The following DDX19A variants were observed in gnomAD, a reference collection of about 807,000 sequenced individuals.
The protein encoded by DDX19A is ATP-dependent RNA helicase DDX19A.
A neutral mutation model predicts 60.6 loss-of-function variants in DDX19A; 12 were observed. The ratio of observed to expected loss-of-function variants is 0.20; its 90% CI spans 0.13 to 0.32. DDX19A has a LOEUF of 0.32. Among genes scored for constraint, DDX19A ranks in the 10% least tolerant of loss-of-function variants. DDX19A has a pLI of 1.00. For synonymous variants in DDX19A, 206 were observed against 218.2 expected (o/e 0.94, Z 0.49); for missense variants, 337 against 600.6 (o/e 0.56, Z 4.59).
At chr16:70,347,176 C>G in intron 1 of DDX19A, 128 bp downstream of exon 1, 1 of 880,236 alleles carries the variant, frequency 1.1e-6, no homozygotes, top group Non-Finnish European at 1.8e-6. Context: ...CTAGGGCAGT[C>G]ACTTGCCCTT....
At chr16:70,361,349 A>T in intron 4 of DDX19A, 69 bp from the exon 5 acceptor site, 1 of 1,143,440 alleles carries the variant, frequency 8.7e-7, no homozygotes, top group Non-Finnish European at 1.3e-6. Flanking sequence ...ATAGAAAAAG[A>T]TAAGATTCTA....
intron 3 of DDX19A, 104 bp downstream of exon 3, chr16:70,355,639 T>A: frequency 1.1e-5 from 10 of 889,610 alleles, no homozygotes; most frequent in Non-Finnish European, 1.7e-5. Flanking sequence ...ATGAGAGGAA[T>A]CAGAGAAGGA....
intron 1 of DDX19A, among the ~76,000 whole-genome samples, chr16:70,349,981 C>G (rs372063857): frequency 2.0e-5 from 3 of 152,168 alleles, no homozygotes; most frequent in African/African-American, 7.2e-5. Context: ...GTTCTGCTCT[C>G]TAGTGTAGAG....
At chr16:70,348,703 A>G (rs934624466) in intron 1 of DDX19A, among the ~76,000 whole-genome samples, 3 of 151,678 alleles carry the variant, frequency 2.0e-5, no homozygotes, top group African/African-American at 7.3e-5. Flanking sequence ...ACTTTGGGAA[A>G]CTGAGACAGG....
intron 2 of DDX19A, among the ~76,000 whole-genome samples, chr16:70,352,669 A>C (rs1597522894): frequency 8.2e-5 from 8 of 97,454 alleles, no homozygotes; most frequent in African/African-American, 2.1e-4. Flanking sequence ...ATGAAGTTTC[A>C]CTCGTTGCCC....
chr16:70,362,417 CA>C (rs954697878), intron 5 of DDX19A, among the ~76,000 whole-genome samples: 10 of 143,538 alleles, frequency 7.0e-5, no homozygotes, highest in Non-Finnish European at 4.6e-5. Context: ...AATTCAAAAA[CA>C]AACAAAATAT....
intron 9 of DDX19A, among the ~76,000 whole-genome samples, chr16:70,367,653 G>A (rs1027167311): frequency 3.3e-5 from 5 of 151,056 alleles, no homozygotes; most frequent in Non-Finnish European, 1.5e-5. Flanking sequence ...CGAGACAGGC[G>A]GATCACCTGA....
At chr16:70,347,635 T>G (rs1384546619) in intron 1 of DDX19A, among the ~76,000 whole-genome samples, 1 of 152,236 alleles carries the variant, frequency 6.6e-6, no homozygotes, top group Non-Finnish European at 1.5e-5. Context: ...TGTTCTTATA[T>G]CTAAGACCTA....
rs1050154586 is a variant in DDX19A, at chr16:70,366,400, C to T, written c.782+138C>T. On this transcript the variant is annotated intron_variant, in intron 8 of 11. Transcript: ENST00000302243. ...GCAGCATTTGTTTGACGGGCCATTT[C>T]CATGTCAGCGCTGATCACAGTCCCT... 4.4e-6 allele frequency: 6 copies of T among 1,367,422 alleles called. No individual in the cohort carries two copies. The African/African-American group carries it at 8.7e-5, about 20-fold the overall frequency. 84.7% of individuals were successfully genotyped at this position (1,367,422 alleles called of 1,614,324 possible).
intron 4 of DDX19A, among the ~76,000 whole-genome samples, chr16:70,358,942 A>G (rs1385904630): frequency 6.6e-6 from 1 of 152,202 alleles, no homozygotes; most frequent in African/African-American, 2.4e-5. Context: ...AAGCTGTATC[A>G]GGACAGCTAG....
chr16:70,368,206 A>G (rs1482879082), intron 9 of DDX19A, among the ~76,000 whole-genome samples: 1 of 152,166 alleles, frequency 6.6e-6, no homozygotes, highest in East Asian at 1.9e-4. Context: ...GCAATGATAC[A>G]GTGATAACAG....
chr16:70,349,458 A>G (rs143497824), intron 1 of DDX19A, among the ~76,000 whole-genome samples: 1 of 152,316 alleles, frequency 6.6e-6, no homozygotes, highest in African/African-American at 2.4e-5. Flanking sequence ...AGTTCTAGGA[A>G]TGATGGGAAC....
chr16:70,356,352 G>T, intron 4 of DDX19A, 105 bp downstream of exon 4: 3 of 1,518,388 alleles, frequency 2.0e-6, no homozygotes, highest in Non-Finnish European at 1.8e-6. Flanking sequence ...AAAATTTAGT[G>T]TATTTTTTCC....
chr16:70,367,254 C>G (rs1324563642), intron 9 of DDX19A, among the ~76,000 whole-genome samples: 1 of 151,694 alleles, frequency 6.6e-6, no homozygotes, highest in African/African-American at 2.4e-5. Context: ...CGGTGAAACC[C>G]CATCTCTACT....
intron 9 of DDX19A, among the ~76,000 whole-genome samples, chr16:70,369,053 G>A (rs1261016917): frequency 6.6e-6 from 1 of 151,690 alleles, no homozygotes; most frequent in Non-Finnish European, 1.5e-5. Context: ...TTTTAGTAGA[G>A]ACAGGGTTTC....
intron 7 of DDX19A, 116 bp from the exon 8 acceptor site, chr16:70,365,969 G>A: frequency 6.7e-7 from 1 of 1,501,340 alleles, no homozygotes; most frequent in Non-Finnish European, 9.1e-7. Context: ...ACTCATGTGT[G>A]TTTTGAAATC....
At position 70,367,518 on chromosome 16, in the gene DDX19A, G is replaced by T. The variant is rs117692413; in HGVS notation, c.1020+657G>T. Among the ~76,000 whole-genome samples, 210 of 151,966 alleles carry T rather than the reference G, an allele frequency of 1.4e-3. 3 individuals carry two copies. The East Asian group carries it at 0.034, about 24-fold the overall frequency. On this transcript the variant is annotated intron_variant, in intron 9 of 11. Coordinates refer to ENST00000302243, the MANE Select transcript of DDX19A (RefSeq NM_018332.5). ...CAAATACTTAGAAAATGGAAGCATA[G>T]ATCTCATTGATAATAGAAAAAATAA... is the stretch of plus-strand genomic sequence containing the variant.
intron 2 of DDX19A, among the ~76,000 whole-genome samples, chr16:70,355,035 CTAAACA>C (rs891603653): frequency 6.6e-6 from 1 of 151,982 alleles, no homozygotes; most frequent in African/African-American, 2.4e-5. Context: ...TAAAAATTCA[CTAAACA>C]TAAAGAAATG....
intron 5 of DDX19A, chr16:70,363,842 C>T: frequency 6.6e-6 from 1 of 152,258 alleles, no homozygotes; most frequent in Non-Finnish European, 1.5e-5. Context: ...CAGGTTCATG[C>T]CATTCTCCTG....
Sources: gnomAD v4.1 joint callset for allele counts (sites outside exome capture counted in the v4.1 genomes callset) on GRCh38, gnomAD v4.1.1 for gene constraint, MANE v1.5 for transcripts, NCBI Gene and HGNC (gene_info 2026-07-23, HGNC 2026-07-21) for gene names.